SLC9D1: variants seen among roughly 807,000 people sequenced by gnomAD.
The protein encoded by SLC9D1 is putative LAG1-interacting protein.
chr13:113,498,434 G>T, the SLC9D1 span: 9 of 1,587,812 alleles, frequency 5.7e-6, no homozygotes, highest in East Asian at 2.0e-4. Flanking sequence ...GTTTATCCAT[G>T]CTTGACGAGA....
At chr13:113,537,531 A>C in the SLC9D1 span, among the ~76,000 whole-genome samples, 4,252 of 152,310 alleles carry the variant, frequency 0.028, 168 homozygotes, top group African/African-American at 0.091. Flanking sequence ...TGTTTTTGCA[A>C]ATGTCTTGCA....
chr13:113,512,340 G>C, the SLC9D1 span, among the ~76,000 whole-genome samples: 2 of 111,832 alleles, frequency 1.8e-5, no homozygotes, highest in Admixed American at 1.7e-4. Context: ...GAGAGGGTTG[G>C]TGTGTAGATG....
At chr13:113,537,664 T>C in the SLC9D1 span, among the ~76,000 whole-genome samples, 2 of 152,214 alleles carry the variant, frequency 1.3e-5, no homozygotes, top group African/African-American at 4.8e-5. Flanking sequence ...GTGTGAAAGA[T>C]CCGCCTGCCC....
chr13:113,507,302 G>A, the SLC9D1 span, among the ~76,000 whole-genome samples: 5 of 152,098 alleles, frequency 3.3e-5, no homozygotes, highest in South Asian at 4.1e-4. Context: ...CCCAGAAAAC[G>A]ACATTATTAA....
chr13:113,535,604 G>C, the SLC9D1 span, among the ~76,000 whole-genome samples: 1 of 152,160 alleles, frequency 6.6e-6, no homozygotes, highest in Admixed American at 6.5e-5. This position sits in a 1 kb window ranked among gnomAD's most constrained non-coding sequence, Gnocchi z 4.1. Context: ...TCCATACCAC[G>C]GAACGCCACC....
chr13:113,506,493 TC>T, the SLC9D1 span, among the ~76,000 whole-genome samples: 8 of 152,198 alleles, frequency 5.3e-5, no homozygotes, highest in Non-Finnish European at 5.9e-5. Flanking sequence ...CTCACCAGTG[TC>T]CCACGAGACT....
the SLC9D1 span, chr13:113,549,815 T>TG: frequency 2.1e-6 from 1 of 479,432 alleles, no homozygotes; most frequent in African/African-American, 2.0e-5. Context: ...GGATGTGCCT[T>TG]TTTTTTTTTT....
chr13:113,494,672 T>TA, the SLC9D1 span, among the ~76,000 whole-genome samples: 2 of 145,230 alleles, frequency 1.4e-5, no homozygotes, highest in Admixed American at 6.9e-5. Flanking sequence ...ATATATATAT[T>TA]TTTAATTCTT....
chr13:113,495,485 C>A, the SLC9D1 span: 1 of 830,818 alleles, frequency 1.2e-6, no homozygotes, highest in Non-Finnish European at 1.9e-6. Context: ...CTATGTGTGA[C>A]AATAACTCTT....
chr13:113,505,564 A>T, the SLC9D1 span: 1 of 152,208 alleles, frequency 6.6e-6, no homozygotes, highest in South Asian at 2.1e-4. Context: ...AAATGTGGGG[A>T]AAAAAGGAGC....
the SLC9D1 span, among the ~76,000 whole-genome samples, chr13:113,508,783 C>T: frequency 2.0e-5 from 3 of 152,118 alleles, no homozygotes; most frequent in African/African-American, 7.2e-5. Context: ...GAAGCTGGGG[C>T]GTGTCTGCTC....
chr13:113,519,071 C>G, the SLC9D1 span, among the ~76,000 whole-genome samples: 1 of 142,332 alleles, frequency 7.0e-6, no homozygotes, highest in African/African-American at 2.6e-5. Flanking sequence ...GAGACGGAGT[C>G]TCGCTCTTGT....
chr13:113,520,483 CAAAAAAAAA>C, the SLC9D1 span: 105 of 366,500 alleles, frequency 2.9e-4, no homozygotes, highest in African/African-American at 3.5e-3. Context: ...AACTCCATCT[CAAAAAAAAA>C]AAAAAAAAAA....
chr13:113,517,936 AT>A, the SLC9D1 span, among the ~76,000 whole-genome samples: 1 of 151,918 alleles, frequency 6.6e-6, no homozygotes, highest in Non-Finnish European at 1.5e-5. Flanking sequence ...TTAGGACTTT[AT>A]TTCTTTAAAA....
At chr13:113,549,861 A>G in the SLC9D1 span, 5 of 559,140 alleles carry the variant, frequency 8.9e-6, no homozygotes, top group Non-Finnish European at 1.6e-5. Flanking sequence ...TTGTGAGTTC[A>G]TCAGTTCATA....
the SLC9D1 span, among the ~76,000 whole-genome samples, chr13:113,506,791 A>G: frequency 6.6e-6 from 1 of 152,174 alleles, no homozygotes; most frequent in Non-Finnish European, 1.5e-5. Flanking sequence ...TATAGTATTC[A>G]CAGTTAAATA....
chr13:113,503,450 A>G, the SLC9D1 span: 1 of 1,466,520 alleles, frequency 6.8e-7, no homozygotes, highest in South Asian at 1.2e-5. Flanking sequence ...TATACTTAAT[A>G]TGTTAAACAT....
the SLC9D1 span, among the ~76,000 whole-genome samples, chr13:113,525,736 G>T: frequency 5.3e-5 from 8 of 149,920 alleles, no homozygotes; most frequent in East Asian, 2.0e-4. Context: ...GCTCTGTGCC[G>T]GTTATTCTAG....
At chr13:113,497,959 C>A in the SLC9D1 span, among the ~76,000 whole-genome samples, 28,126 of 152,104 alleles carry the variant, frequency 0.18, 3,420 homozygotes, top group African/African-American at 0.35. Context: ...CTGTGCATTG[C>A]ATTTAGATAG....
Sources: allele counts gnomAD v4.1 joint callset (sites outside exome capture counted in the v4.1 genomes callset), GRCh38; gene constraint gnomAD v4.1.1; non-coding constraint Gnocchi (gnomAD v3.1); transcripts MANE v1.5; gene names NCBI Gene and HGNC (gene_info 2026-07-23, HGNC 2026-07-21).